The following ANO4 variants were observed in gnomAD, a reference collection of about 807,000 sequenced individuals.
ANO4 encodes anoctamin-4.
In ANO4, 69 loss-of-function variants were observed where a neutral mutation model predicts 141.9. The ratio of observed to expected loss-of-function variants is 0.49; its 90% confidence interval spans 0.40 to 0.59. The LOEUF (loss-of-function observed/expected upper bound fraction) is 0.59. Ranked by LOEUF, ANO4 falls within the 20% of genes least tolerant of loss-of-function variation. The probability of loss-of-function intolerance (pLI) is 0.00; values close to 1 mark genes in which losing one functional copy is unlikely to be tolerated. For synonymous variants in ANO4, 350 were observed against 394.3 expected (o/e 0.89, Z 1.33); for missense variants, 894 against 1,162.2 (o/e 0.77, Z 3.36).
At position 101,096,538 on chromosome 12, in the gene ANO4, C is replaced by G; in HGVS notation, c.1741C>G (p.Gln581Glu). The G allele has an allele frequency of 6.2e-7, 1 of 1,612,692 alleles. No individual in the cohort carries two copies. Among genetic ancestry groups the G allele is most frequent in the Non-Finnish European group, 8.5e-7 (1 of 1,178,866 alleles). ...KVALLLTNLE[Q>E]PRTESEWENS... ...CTCTGCTCACCTTTTGTCCACAGAACAGCCTCGCACAGAGTCTGAGTGGGA... is the reference window on the plus strand; with the variant it reads ...CTCTGCTCACCTTTTGTCCACAGAAGAGCCTCGCACAGAGTCTGAGTGGGA... Residue 581 changes from glutamine (Q) to glutamate (E), a missense_variant and splice_region_variant, in exon 19 of 28, where the codon CAG (glutamine) becomes GAG (glutamate). Coordinates refer to ENST00000392977, the MANE Select transcript of ANO4 (RefSeq NM_001286615.2).
intron 3 of ANO4, among the ~76,000 whole-genome samples, chr12:100,768,189 C>A (rs1358858373): frequency 6.6e-6 from 1 of 152,162 alleles, no homozygotes; most frequent in African/African-American, 2.4e-5. Flanking sequence ...TAGGGGCTGG[C>A]CTGGTGCCAG....
intron 14 of ANO4, among the ~76,000 whole-genome samples, chr12:101,077,696 T>C (rs966105054): frequency 1.3e-5 from 2 of 152,134 alleles, no homozygotes; most frequent in African/African-American, 4.8e-5. Flanking sequence ...AATACATTAG[T>C]ATGGCTGCTT....
chr12:100,957,923 G>T (rs1452870838), intron 5 of ANO4, among the ~76,000 whole-genome samples: 1 of 152,176 alleles, frequency 6.6e-6, no homozygotes, highest in Non-Finnish European at 1.5e-5. Context: ...GGCCAGGCTG[G>T]TCTCAAACCC....
At position 100,801,763 on chromosome 12, in the gene ANO4, G is replaced by A. The variant is rs548119966; in HGVS notation, c.-141+6736G>A. Among the ~76,000 whole-genome samples, 21 of 151,444 alleles carry A rather than the reference G, an allele frequency of 1.4e-4. 1 individual carries two copies. The highest frequency in any genetic ancestry group is 3.4e-3 in the Middle Eastern group (1 of 294). ...GCAGGGGCTGGGGGGTGGGGTGGAG[G>A]GAAGGTGGAAAATGCAAGGAAAGAT... On this transcript the variant is annotated intron_variant, in intron 1 of 27. Transcript: ENST00000392977.
At chr12:101,022,953 C>A (rs2046591518) in intron 9 of ANO4, among the ~76,000 whole-genome samples, 1 of 152,102 alleles carries the variant, frequency 6.6e-6, no homozygotes, top group South Asian at 2.1e-4. Context: ...GTTGGCCAGG[C>A]TGATCTCAAA....
At chr12:101,125,017 G>A (rs1037720228) in intron 26 of ANO4, among the ~76,000 whole-genome samples, 1 of 152,194 alleles carries the variant, frequency 6.6e-6, no homozygotes, top group African/African-American at 2.4e-5. Flanking sequence ...GAGTGTCAAT[G>A]GTAGTTTAAT....
intron 2 of ANO4, chr12:100,739,706 A>AT (rs2135466583): frequency 1.6e-6 from 1 of 619,292 alleles, no homozygotes; most frequent in African/African-American, 1.8e-5. Flanking sequence ...ATCAAGAGGG[A>AT]TGATGCCTGC....
intron 5 of ANO4, among the ~76,000 whole-genome samples, chr12:100,970,305 A>G (rs1432961050): frequency 6.6e-6 from 1 of 152,196 alleles, no homozygotes; most frequent in African/African-American, 2.4e-5. Context: ...TTCCTAGAAT[A>G]AAGTGCGCTG....
chr12:101,076,643 A>G (rs969036481), intron 14 of ANO4, among the ~76,000 whole-genome samples: 6 of 152,068 alleles, frequency 3.9e-5, no homozygotes, highest in African/African-American at 1.5e-4. Flanking sequence ...AGCAGCTGCC[A>G]GTAAGACAGA....
chr12:100,770,760 G>A (rs1477705925), intron 3 of ANO4, among the ~76,000 whole-genome samples: 1 of 151,122 alleles, frequency 6.6e-6, no homozygotes, highest in African/African-American at 2.4e-5. Context: ...AATTAACAGA[G>A]TGGAAGAGGC....
chr12:101,114,346 T>C (rs944695895), intron 24 of ANO4, among the ~76,000 whole-genome samples: 10 of 152,172 alleles, frequency 6.6e-5, no homozygotes, highest in Admixed American at 1.3e-4. Flanking sequence ...GTGCATCTTT[T>C]CCCCCATTAT....
At chr12:100,776,613 G>T (rs1478546865) in intron 3 of ANO4, among the ~76,000 whole-genome samples, 2 of 152,148 alleles carry the variant, frequency 1.3e-5, no homozygotes, top group Non-Finnish European at 2.9e-5. Context: ...GCTTGAATTT[G>T]CCATAAAAAT....
Position 100,806,523 on chromosome 12 carries a change from C to CTTTTTTTTTTTTTTTTTTTTTTTTTTTTT in ANO4, c.-141+11496_-141+11497insTTTTTTTTTTTTTTTTTTTTTTTTTTTTT, listed in dbSNP as rs1593379234. Among the ~76,000 whole-genome samples the CTTTTTTTTTTTTTTTTTTTTTTTTTTTTT allele has an allele frequency of 2.9e-4, 13 of 44,954 alleles. 5 individuals carry two copies. The highest frequency in any genetic ancestry group is 5.9e-4 in the African/African-American group (8 of 13,644). 29.5% of individuals were successfully genotyped at this position (44,954 alleles called of 152,430 possible). On this transcript the variant is annotated intron_variant, in intron 1 of 27. Coordinates refer to ENST00000392977, the MANE Select transcript of ANO4 (RefSeq NM_001286615.2). ...TTTTTAGGAGGTTTTTTTTTTGTTT[C>CTTTTTTTTTTTTTTTTTTTTTTTTTTTTT]GTTTTTTTTTTTTTTTTTTTTTTTT... is the stretch of plus-strand genomic sequence containing the variant.
intron 2 of ANO4, among the ~76,000 whole-genome samples, chr12:100,921,075 C>G (rs1484727057): frequency 6.6e-6 from 1 of 152,038 alleles, no homozygotes; most frequent in African/African-American, 2.4e-5. Flanking sequence ...GCTCTTAGCT[C>G]TGTTGTTTTG....
At chr12:100,980,480 C>T (rs1405663824) in intron 7 of ANO4, among the ~76,000 whole-genome samples, 3 of 152,146 alleles carry the variant, frequency 2.0e-5, no homozygotes, top group African/African-American at 7.2e-5. Context: ...TCTAGTAGTA[C>T]ATCAATAATG....
At chr12:100,916,532 G>T (rs1430959855) in intron 2 of ANO4, among the ~76,000 whole-genome samples, 1 of 152,154 alleles carries the variant, frequency 6.6e-6, no homozygotes, top group Non-Finnish European at 1.5e-5. Flanking sequence ...GCTTCAATGT[G>T]TTACTGTCTA....
chr12:100,966,816 C>CATAT (rs34861561), intron 5 of ANO4, among the ~76,000 whole-genome samples: 3 of 142,214 alleles, frequency 2.1e-5, no homozygotes, highest in African/African-American at 5.4e-5. Flanking sequence ...CACACACACA[C>CATAT]ATATATATAT....
chr12:100,986,035 GCA>G (rs2044691894), intron 7 of ANO4, among the ~76,000 whole-genome samples: 1 of 152,136 alleles, frequency 6.6e-6, no homozygotes, highest in African/African-American at 2.4e-5. Context: ...CCTCCCCAGT[GCA>G]GGTGGGTGCC....
chr12:101,024,605 A>AG (rs2046659591), intron 9 of ANO4, among the ~76,000 whole-genome samples: 1 of 152,014 alleles, frequency 6.6e-6, no homozygotes, highest in South Asian at 2.1e-4. Flanking sequence ...CAAAAAAAAA[A>AG]AAAGTTATCA....
Sources: allele counts gnomAD v4.1 joint callset (sites outside exome capture counted in the v4.1 genomes callset), GRCh38; gene constraint gnomAD v4.1.1; transcripts MANE v1.5; gene names NCBI Gene and HGNC (gene_info 2026-07-23, HGNC 2026-07-21).